The following FAM91A1 variants were observed in gnomAD, a reference collection of about 807,000 sequenced individuals.
FAM91A1 encodes the protein family with sequence similarity 91 member A1.
FAM91A1 carries 41 observed loss-of-function variants against 113.5 expected under a neutral mutation model. The ratio of observed to expected loss-of-function variants is 0.36; its 90% confidence interval spans 0.28 to 0.47. The LOEUF (loss-of-function observed/expected upper bound fraction) is 0.47. Ranked by LOEUF, FAM91A1 falls within the 20% of genes least tolerant of loss-of-function variation. FAM91A1 has a pLI of 1.00. For missense variants in FAM91A1, 696 were observed against 1,001.2 expected (o/e 0.70, Z 4.11); for synonymous variants, 307 against 347.9 (o/e 0.88, Z 1.31).
rs552931341 is a variant in FAM91A1 at position 123,812,953 on chromosome 8, A to C, written c.*249A>C. ...TGAGACAATCTGCATTTCTTTTATA[A>C]AACTAAGTATATACTTTATAGGCTT... is the stretch of plus-strand genomic sequence containing the variant. On this transcript the variant is annotated 3_prime_UTR_variant, in exon 24 of 24. Coordinates refer to ENST00000334705, the MANE Select transcript of FAM91A1 (RefSeq NM_144963.4). 3.0e-6 allele frequency: 1 copy of C among 333,710 alleles called. No homozygotes were observed. The highest frequency in any genetic ancestry group is 5.0e-5 in the East Asian group (1 of 20,048). The allele number at this position is 333,710 out of a possible 1,614,324, so 20.7% of individuals were successfully genotyped here. A position where few individuals can be genotyped will look rare whatever the true frequency, so the allele number is the denominator to read the frequency against.
At chr8:123,789,813 T>C (rs898232209) in intron 15 of FAM91A1, 68 bp downstream of exon 15, 3 of 1,541,084 alleles carry the variant, frequency 1.9e-6, no homozygotes, top group Admixed American at 1.8e-5. Context: ...ATTAAACAGA[T>C]CATGCTCACT....
chr8:123,808,745 C>A, intron 21 of FAM91A1, 148 bp from the exon 22 acceptor site: 2 of 716,410 alleles, frequency 2.8e-6, no homozygotes, highest in Non-Finnish European at 4.2e-6. Flanking sequence ...CCTTCAATTT[C>A]TTCCTCCCCT....
chr8:123,803,594 C>CA (rs1193145472), intron 18 of FAM91A1, among the ~76,000 whole-genome samples: 1 of 152,198 alleles, frequency 6.6e-6, no homozygotes, highest in African/African-American at 2.4e-5. Flanking sequence ...TGAGCCACCA[C>CA]ACCAGGCTGA....
intron 8 of FAM91A1, among the ~76,000 whole-genome samples, chr8:123,784,178 C>T (rs908805258): frequency 1.3e-5 from 2 of 152,178 alleles, no homozygotes; most frequent in Non-Finnish European, 2.9e-5. Flanking sequence ...CCCCTGTTCC[C>T]TCACCCTTCT....
rs1816005791 is a variant in FAM91A1, at chr8:123,813,462, A to T, written c.*758A>T. The stretch of plus-strand genomic sequence containing the variant: ...ATGGAAAAAATAGAATTTATTTTCC[A>T]CTCTTGTAGCTATAGCTGCTGCACA... On this transcript the variant is annotated 3_prime_UTR_variant, in exon 24 of 24. Coordinates refer to ENST00000334705, the MANE Select transcript of FAM91A1 (RefSeq NM_144963.4). 1 of 152,300 alleles carries T rather than the reference A, an allele frequency of 6.6e-6. No individual in the cohort carries two copies. Among genetic ancestry groups the T allele is most frequent in the African/African-American group, 2.4e-5 (1 of 41,352 alleles). The allele number at this position is 152,300 out of a possible 1,614,324, so 9.4% of individuals were successfully genotyped here.
At chr8:123,774,997 T>G (rs1814946299) in intron 2 of FAM91A1, 150 bp from the exon 3 acceptor site, 1 of 735,080 alleles carries the variant, frequency 1.4e-6, no homozygotes, top group East Asian at 2.9e-5. Context: ...ATGTGATATA[T>G]TTCTTTGTTC....
chr8:123,789,559 T>C (rs1167570118), intron 14 of FAM91A1, 54 bp from the exon 15 acceptor site: 1 of 1,607,590 alleles, frequency 6.2e-7, no homozygotes, highest in Non-Finnish European at 8.5e-7. Flanking sequence ...ATTATTAGAG[T>C]GAATGGCATA....
chr8:123,788,921 T>C (rs1815319379), intron 14 of FAM91A1, among the ~76,000 whole-genome samples: 1 of 152,244 alleles, frequency 6.6e-6, no homozygotes, highest in African/African-American at 2.4e-5. Flanking sequence ...TTCTTAAATG[T>C]ATGCAAATCT....
chr8:123,805,268 G>GGCAT lies in FAM91A1; in HGVS notation c.1813_1816dup (p.Gly606AlafsTer17), dbSNP rs1325723050. 3 of 1,609,782 alleles carry GGCAT rather than the reference G, an allele frequency of 1.9e-6. No homozygotes were observed. In the African/African-American group the frequency reaches 4.0e-5, roughly 22 times the overall value. On this transcript the variant is annotated frameshift_variant and splice_region_variant, in exon 19 of 24. Transcript: ENST00000334705. LOFTEE classifies it high-confidence loss of function. ...CTTTTAACTTTTGTTTATGTTTAGG[G>GGCAT]GCATGGTCTGCATGGGATAGGAGAA...
chr8:123,776,745 A>G (rs1352079354), intron 3 of FAM91A1, among the ~76,000 whole-genome samples: 1 of 152,222 alleles, frequency 6.6e-6, no homozygotes. Context: ...TTATCCCCAC[A>G]GGAAGCAGTG....
intron 15 of FAM91A1, among the ~76,000 whole-genome samples, chr8:123,796,853 G>A (rs1815533880): frequency 6.6e-6 from 1 of 151,134 alleles, no homozygotes; most frequent in South Asian, 2.1e-4. Context: ...AACGAGGTCA[G>A]GAGATCGAGA....
chr8:123,784,705 T>C, intron 9 of FAM91A1, 129 bp downstream of exon 9: 1 of 525,992 alleles, frequency 1.9e-6, no homozygotes, highest in Non-Finnish European at 3.2e-6. Context: ...ATTATTACAC[T>C]TAAATGTCAT....
chr8:123,807,207 A>G (rs1344752405), intron 20 of FAM91A1, among the ~76,000 whole-genome samples: 2 of 152,172 alleles, frequency 1.3e-5, no homozygotes, highest in Non-Finnish European at 2.9e-5. Context: ...ACTGCCAAAT[A>G]TTGCAGGAGC....
rs1563651641 is a variant in FAM91A1 at position 123,812,499 on chromosome 8, C to T, written c.2332-20C>T. Reference sequence around the variant, plus strand: ...TGGTAAAGTGTTGAATATCATTTCTCTTGTTTCTTGATCTTTTAGGAAGGT... The same window carrying T: ...TGGTAAAGTGTTGAATATCATTTCTTTTGTTTCTTGATCTTTTAGGAAGGT... On this transcript the variant is annotated intron_variant, in intron 23 of 23. Coordinates refer to ENST00000334705, the MANE Select transcript of FAM91A1 (RefSeq NM_144963.4). 6 of 1,554,246 alleles carry T rather than the reference C, an allele frequency of 3.9e-6. No homozygotes were observed. The highest frequency in any genetic ancestry group is 2.5e-5 in the South Asian group (2 of 79,904).
In FAM91A1 at chr8:123,775,265, A is replaced by G. The variant is rs1340845277; in HGVS notation, c.276A>G (p.Ile92Met). The G allele has an allele frequency of 1.9e-6, 3 of 1,614,004 alleles. No individual in the cohort carries two copies. Among genetic ancestry groups the G allele is most frequent in the Admixed American group, 1.7e-5 (1 of 59,992 alleles). ...ATATTATGGTGAAAGGCTTGAGGATAACACCATTTTCATATTATACTGGGA... is the reference window on the plus strand; with the variant it reads ...ATATTATGGTGAAAGGCTTGAGGATGACACCATTTTCATATTATACTGGGA... ...LSDIMVKGLR[I>M]TPFSYYTGIM... The change falls in exon 3 of 24, where the codon ATA becomes ATG. Residue 92 changes from isoleucine to methionine, a missense_variant. Physicochemically the swap from Ile to Met is conservative, Grantham distance 10. Coordinates refer to ENST00000334705, the MANE Select transcript of FAM91A1 (RefSeq NM_144963.4).
In FAM91A1 at chr8:123,789,681, A is replaced by G. The variant is rs575099897; in HGVS notation, c.1347A>G (p.Ile449Met). The G allele has an allele frequency of 4.3e-6, 7 of 1,612,928 alleles. No individual in the cohort carries two copies. In the South Asian group the frequency reaches 4.4e-5, roughly 10 times the overall value. The change falls in exon 15 of 24, where the codon ATA becomes ATG. Residue 449 changes from isoleucine (I) to methionine (M), a missense_variant. Coordinates refer to ENST00000334705, the MANE Select transcript of FAM91A1 (RefSeq NM_144963.4). ...FDHALTLRNTILFLRHNKDLV... is the reference protein window; with the variant it reads ...FDHALTLRNTMLFLRHNKDLV... ...ATGCACTTACTCTGAGAAACACAATACTGTTTCTGCGTCATAACAAAGATC... is the reference window on the plus strand; with the variant it reads ...ATGCACTTACTCTGAGAAACACAATGCTGTTTCTGCGTCATAACAAAGATC...
At chr8:123,785,240 G>A in intron 10 of FAM91A1, 121 bp downstream of exon 10, 1 of 863,368 alleles carries the variant, frequency 1.2e-6, no homozygotes, top group Non-Finnish European at 1.8e-6. Context: ...AGCTGTCTGA[G>A]AGAACGTGCA....
chr8:123,768,494 C>T lies in FAM91A1; in HGVS notation c.-209C>T. On this transcript the variant is annotated 5_prime_UTR_variant, in exon 1 of 24. Coordinates refer to ENST00000334705, the MANE Select transcript of FAM91A1 (RefSeq NM_144963.4). ...AGAAACTTGGAGCTGTTCAGGCGAT[C>T]CAGCCTCCAATCGCTGCTGCTCTTG... The T allele has an allele frequency of 8.2e-6, 4 of 490,316 alleles. No homozygotes were observed. The highest frequency in any genetic ancestry group is 1.4e-5 in the Non-Finnish European group (4 of 279,172). 30.4% of individuals were successfully genotyped at this position (490,316 alleles called of 1,614,324 possible). A position where few individuals can be genotyped will look rare whatever the true frequency, so the allele number is the denominator to read the frequency against.
chr8:123,768,804 G>T (rs1217999433), intron 1 of FAM91A1, 30 bp downstream of exon 1: 3 of 1,603,078 alleles, frequency 1.9e-6, no homozygotes, highest in Non-Finnish European at 2.6e-6. Context: ...CCGGGCCCCT[G>T]ACGGATTCGG....
Sources: allele counts gnomAD v4.1 joint callset (sites outside exome capture counted in the v4.1 genomes callset), GRCh38; gene constraint gnomAD v4.1.1; transcripts MANE v1.5; gene names NCBI Gene and HGNC (gene_info 2026-07-23, HGNC 2026-07-21).